Variants in CPED1 observed in about 807,000 individuals in gnomAD.
CPED1 encodes the protein cadherin-like and PC-esterase domain-containing protein 1.
CPED1 carries 114 observed loss-of-function variants against 128.2 expected under a neutral mutation model. The observed-to-expected ratio is 0.89, with a 90% CI of 0.76 to 1.04. The LOEUF is 1.04. Among genes scored for constraint, CPED1 ranks in the 50% least tolerant of loss-of-function variants. The probability of loss-of-function intolerance (pLI) is 0.00; values close to 1 mark genes in which losing one functional copy is unlikely to be tolerated. For missense variants in CPED1, 1,211 were observed against 1,207.1 expected, an observed-to-expected ratio of 1.00 and a Z score of -0.05; for synonymous variants, 462 against 426.7, an observed-to-expected ratio of 1.08 and a Z score of -1.02.
chr7:121,198,059 T>A (rs1797309296), intron 16 of CPED1, among the ~76,000 whole-genome samples: 5 of 152,126 alleles, frequency 3.3e-5, no homozygotes, highest in Admixed American at 3.3e-4. Context: ...TAGATTGCAA[T>A]AGAGAAAGAC....
chr7:121,193,757 C>G (rs1797200160), intron 16 of CPED1, among the ~76,000 whole-genome samples: 6 of 151,974 alleles, frequency 3.9e-5, no homozygotes, highest in Admixed American at 3.9e-4. Flanking sequence ...AGGCTAGTAA[C>G]TTGCCCAGGG....
chr7:121,118,488 AG>A (rs1795306218), intron 7 of CPED1, among the ~76,000 whole-genome samples: 1 of 149,876 alleles, frequency 6.7e-6, no homozygotes, highest in Admixed American at 6.7e-5. Context: ...TGAACCAGGG[AG>A]TCAGAGGTTG....
rs1794095722 is a variant in CPED1, at chr7:121,075,273, A to T, written c.616+10960A>T. On this transcript the variant is annotated intron_variant, in intron 5 of 22. Coordinates refer to ENST00000310396, the MANE Select transcript of CPED1 (RefSeq NM_024913.5). ...TCAGGAGAAAATGATTAGCATCACAAGTCATTTTAAGCAAACACTGGAAAT... is the reference window on the plus strand; with the variant it reads ...TCAGGAGAAAATGATTAGCATCACATGTCATTTTAAGCAAACACTGGAAAT... 3.9e-5 allele frequency among the ~76,000 whole-genome samples: 6 copies of T among 152,332 alleles called. No homozygotes were observed. The South Asian group carries it at 1.2e-3, about 32-fold the overall frequency.
At chr7:121,221,227 C>G (rs1797869441) in intron 16 of CPED1, among the ~76,000 whole-genome samples, 1 of 152,014 alleles carries the variant, frequency 6.6e-6, no homozygotes. Flanking sequence ...GGTTTTCTGT[C>G]TTTGTGATAG....
chr7:121,141,464 C>T (rs1246811839), intron 15 of CPED1, among the ~76,000 whole-genome samples: 1 of 151,878 alleles, frequency 6.6e-6, no homozygotes, highest in African/African-American at 2.4e-5. Context: ...AAGATAGAAC[C>T]TTATTCTGTG....
chr7:121,224,023 C>T (rs894745552), intron 16 of CPED1, among the ~76,000 whole-genome samples: 3 of 151,852 alleles, frequency 2.0e-5, no homozygotes, highest in African/African-American at 7.3e-5. Flanking sequence ...TTTGTTCTTG[C>T]TTCTCTAGTT....
chr7:121,091,792 G>A (rs1198678974), intron 5 of CPED1, among the ~76,000 whole-genome samples: 1 of 151,964 alleles, frequency 6.6e-6, no homozygotes, highest in African/African-American at 2.4e-5. Flanking sequence ...ACTTATATAG[G>A]CATCTATTAA....
chr7:121,273,715 C>T (rs767937674), intron 22 of CPED1, among the ~76,000 whole-genome samples: 3 of 152,100 alleles, frequency 2.0e-5, no homozygotes, highest in Non-Finnish European at 4.4e-5. Flanking sequence ...TAAATTTTGA[C>T]CTAGCAGCTT....
intron 5 of CPED1, among the ~76,000 whole-genome samples, chr7:121,096,735 C>T (rs180835644): frequency 1.3e-5 from 2 of 152,124 alleles, no homozygotes; most frequent in Admixed American, 1.3e-4. Flanking sequence ...TTTAATGACG[C>T]ACCCTAAGCT....
intron 16 of CPED1, among the ~76,000 whole-genome samples, chr7:121,143,587 G>A (rs1795952392): frequency 6.6e-6 from 1 of 151,880 alleles, no homozygotes; most frequent in Non-Finnish European, 1.5e-5. Flanking sequence ...CACCAAAAAT[G>A]TTTAAAAAAA....
At chr7:121,142,800 T>A (rs1337722292) in intron 16 of CPED1, among the ~76,000 whole-genome samples, 1 of 152,084 alleles carries the variant, frequency 6.6e-6, no homozygotes, top group Non-Finnish European at 1.5e-5. Flanking sequence ...TCATATCATA[T>A]ACCCCTTGCT....
chr7:121,160,699 C>T (rs1796392891), intron 16 of CPED1, among the ~76,000 whole-genome samples: 1 of 152,154 alleles, frequency 6.6e-6, no homozygotes, highest in East Asian at 1.9e-4. Flanking sequence ...CCCCTGAGTT[C>T]TCAGGAATTC....
intron 5 of CPED1, among the ~76,000 whole-genome samples, chr7:121,085,507 G>C (rs560258191): frequency 6.6e-6 from 1 of 152,094 alleles, no homozygotes; most frequent in Admixed American, 6.5e-5. Context: ...TTTAGCTTTT[G>C]ACCTAAACCC....
At chr7:121,222,216 C>T (rs1797895084) in intron 16 of CPED1, among the ~76,000 whole-genome samples, 1 of 152,062 alleles carries the variant, frequency 6.6e-6, no homozygotes, top group African/African-American at 2.4e-5. Context: ...ATAGGGAATC[C>T]GTTTCCCATT....
In CPED1 at chr7:121,141,980, A is replaced by G. The variant is rs1795914912; in HGVS notation, c.1894A>G (p.Ser632Gly). The G allele has an allele frequency of 1.2e-6, 2 of 1,611,834 alleles. No individual in the cohort carries two copies. Among genetic ancestry groups the G allele is most frequent in the African/African-American group, 1.3e-5 (1 of 74,780 alleles). Reference protein sequence around the residue: ...LYEQAGPSFASYPLGLGMNKI... With the variant: ...LYEQAGPSFAGYPLGLGMNKI... Reference sequence around the variant, plus strand: ...CTCCCTCTTTCTCTCCAGCTTTGCCAGCTACCCTCTGGGCTTAGGAATGAA... The same window carrying G: ...CTCCCTCTTTCTCTCCAGCTTTGCCGGCTACCCTCTGGGCTTAGGAATGAA... Residue 632 changes from serine (S) to glycine (G), a missense_variant, in exon 16 of 23, where the codon AGC (serine) becomes GGC (glycine). By Grantham distance (56) the Ser-to-Gly change is moderately conservative. Transcript: ENST00000310396.
chr7:121,030,752 GA>G (rs917397060), intron 3 of CPED1, among the ~76,000 whole-genome samples: 19 of 152,052 alleles, frequency 1.2e-4, no homozygotes, highest in African/African-American at 3.9e-4. Flanking sequence ...GTATATATAG[GA>G]AAAAAATAGT....
In CPED1 at chr7:121,296,397, A is replaced by G. The variant is rs986977709; in HGVS notation, c.*745A>G. 20 of 152,188 alleles carry G rather than the reference A, an allele frequency of 1.3e-4. No homozygotes were observed. Among genetic ancestry groups the G allele is most frequent in the Admixed American group, 6.5e-5 (1 of 15,286 alleles). 9.4% of individuals were successfully genotyped at this position (152,188 alleles called of 1,614,324 possible). A position where few individuals can be genotyped will look rare whatever the true frequency, so the allele number is the denominator to read the frequency against. ...TGAATTAATGAAATATGTAATTTTA[A>G]AGTAAGTAACAAAATGTAGTTCCTC... On this transcript the variant is annotated 3_prime_UTR_variant, in exon 23 of 23. Coordinates refer to ENST00000310396, the MANE Select transcript of CPED1 (RefSeq NM_024913.5).
At chr7:121,154,553 A>G (rs1584552994) in intron 16 of CPED1, among the ~76,000 whole-genome samples, 1 of 151,100 alleles carries the variant, frequency 6.6e-6, no homozygotes, top group East Asian at 1.9e-4. Context: ...TATTTATTTT[A>G]TTTATTTTTT....
intron 18 of CPED1, among the ~76,000 whole-genome samples, chr7:121,253,652 A>G (rs1209475266): frequency 7.2e-5 from 11 of 152,088 alleles, no homozygotes; most frequent in Non-Finnish European, 1.5e-5. Context: ...GTAAAAAGAT[A>G]AGACTCAACC....
Sources: gnomAD v4.1 joint callset for allele counts (sites outside exome capture counted in the v4.1 genomes callset) on GRCh38, gnomAD v4.1.1 for gene constraint, MANE v1.5 for transcripts, NCBI Gene and HGNC (gene_info 2026-07-23, HGNC 2026-07-21) for gene names.